The following BEND6 variants were observed in gnomAD, a reference collection of about 807,000 sequenced individuals.
BEND6 encodes the protein BEN domain-containing protein 6.
In BEND6, 24 loss-of-function variants were observed where a neutral mutation model predicts 31.8. The ratio of observed to expected loss-of-function variants is 0.75; its 90% CI spans 0.55 to 1.06. The LOEUF (loss-of-function observed/expected upper bound fraction) is 1.06. Among genes scored for constraint, BEND6 ranks in the 50% least tolerant of loss-of-function variants. The probability of loss-of-function intolerance (pLI) is 0.00; values close to 1 mark genes in which losing one functional copy is unlikely to be tolerated. For synonymous variants in BEND6, 109 were observed against 114.6 expected (o/e 0.95, Z 0.31); for missense variants, 294 against 327.4 (o/e 0.90, Z 0.79).
chr6:57,015,478 A>T, intron 4 of BEND6, 125 bp downstream of exon 4: 2 of 992,170 alleles, frequency 2.0e-6, no homozygotes, highest in Non-Finnish European at 2.9e-6. Flanking sequence ...TTCAATAGGA[A>T]TATTACAATT....
chr6:57,010,231 C>T (rs756434602), intron 3 of BEND6: 9 of 152,164 alleles, frequency 5.9e-5, no homozygotes, highest in South Asian at 4.2e-4. Context: ...CAGCAAAATC[C>T]GACTGTAGGA....
chr6:56,986,979 T>C (rs1480322774), intron 2 of BEND6, among the ~76,000 whole-genome samples: 12 of 149,226 alleles, frequency 8.0e-5, no homozygotes, highest in African/African-American at 2.0e-4. Context: ...TTTTCTTTTT[T>C]TTTTTTTTTT....
chr6:56,960,632 T>A (rs1319122853), intron 1 of BEND6, among the ~76,000 whole-genome samples: 2 of 152,222 alleles, frequency 1.3e-5, no homozygotes, highest in Non-Finnish European at 2.9e-5. Flanking sequence ...TTTGTGCTAA[T>A]AGAGTTGTAT....
chr6:56,963,724 A>G (rs1033335483), intron 1 of BEND6, among the ~76,000 whole-genome samples: 3 of 151,466 alleles, frequency 2.0e-5, no homozygotes, highest in African/African-American at 7.3e-5. Context: ...CTACTCTCAC[A>G]TGTTTGACCT....
chr6:56,998,633 A>T (rs1826814003), intron 3 of BEND6, among the ~76,000 whole-genome samples: 1 of 152,184 alleles, frequency 6.6e-6, no homozygotes, highest in African/African-American at 2.4e-5. Flanking sequence ...ATCAACTGAA[A>T]ATGGATTAAG....
intron 2 of BEND6, 32 bp downstream of exon 2, chr6:56,981,962 T>G: frequency 6.3e-7 from 1 of 1,590,268 alleles, no homozygotes; most frequent in Non-Finnish European, 8.5e-7. Flanking sequence ...CTCAACTTTG[T>G]TATCTAGCTC....
intron 2 of BEND6, among the ~76,000 whole-genome samples, chr6:56,988,527 T>C (rs553921098): frequency 1.3e-5 from 2 of 152,290 alleles, no homozygotes; most frequent in Non-Finnish European, 2.9e-5. Context: ...CAATGCAATA[T>C]GAAAGATATT....
intron 3 of BEND6, among the ~76,000 whole-genome samples, chr6:56,999,940 G>C (rs1006512398): frequency 1.3e-5 from 2 of 148,314 alleles, no homozygotes; most frequent in African/African-American, 5.0e-5. Context: ...CCCTCTGCCT[G>C]GCTGCCCCGT....
intron 3 of BEND6, chr6:57,004,726 G>C (rs1260152211): frequency 6.0e-6 from 9 of 1,509,710 alleles, no homozygotes; most frequent in African/African-American, 5.5e-5. Context: ...TGACAAAAAT[G>C]ACCCCCATTT....
At chr6:56,984,053 T>C (rs1826164291) in intron 2 of BEND6, among the ~76,000 whole-genome samples, 1 of 152,014 alleles carries the variant, frequency 6.6e-6, no homozygotes, top group South Asian at 2.1e-4. Context: ...ACCCTCTCTC[T>C]ACCAAAAAAA....
chr6:56,981,107 C>T (rs1826049740), intron 1 of BEND6, among the ~76,000 whole-genome samples: 1 of 152,136 alleles, frequency 6.6e-6, no homozygotes, highest in Non-Finnish European at 1.5e-5. Context: ...AGCCGTCATG[C>T]CCAGCCTGCT....
chr6:56,993,022 T>C (rs564194908), intron 3 of BEND6, among the ~76,000 whole-genome samples: 5 of 152,278 alleles, frequency 3.3e-5, no homozygotes, highest in Non-Finnish European at 2.9e-5. Context: ...CATTTTTTTC[T>C]GTTGGGAAGA....
intron 3 of BEND6, chr6:57,009,072 AG>A (rs1042602151): frequency 6.6e-6 from 1 of 152,236 alleles, no homozygotes; most frequent in Non-Finnish European, 1.5e-5. Context: ...GAAGCTAAAA[AG>A]AAAAAGGTTA....
chr6:56,961,296 A>G (rs1825278080), intron 1 of BEND6, among the ~76,000 whole-genome samples: 2 of 152,194 alleles, frequency 1.3e-5, no homozygotes, highest in Admixed American at 1.3e-4. Context: ...GTTCTAAACT[A>G]TAAAAGTTTA....
At chr6:56,999,705 A>G (rs1039069770) in intron 3 of BEND6, among the ~76,000 whole-genome samples, 3 of 152,226 alleles carry the variant, frequency 2.0e-5, no homozygotes, top group African/African-American at 7.2e-5. Context: ...CAATCAGCCC[A>G]TTGACTGAGA....
At chr6:56,974,358 C>T (rs1238005830) in intron 1 of BEND6, among the ~76,000 whole-genome samples, 4 of 152,142 alleles carry the variant, frequency 2.6e-5, no homozygotes, top group Non-Finnish European at 5.9e-5. Context: ...AATTATGGTT[C>T]ATCTGCCTGC....
At chr6:56,961,783 C>A (rs1167012337) in intron 1 of BEND6, among the ~76,000 whole-genome samples, 2 of 152,130 alleles carry the variant, frequency 1.3e-5, no homozygotes, top group African/African-American at 4.8e-5. Context: ...TCCCCAAGCC[C>A]ACATTCAACA....
intron 3 of BEND6, among the ~76,000 whole-genome samples, chr6:56,999,858 C>A (rs1826859850): frequency 6.6e-6 from 1 of 152,212 alleles, no homozygotes; most frequent in Non-Finnish European, 1.5e-5. Flanking sequence ...AACAGAAGTG[C>A]ATAGACCTGG....
At chr6:56,982,462 C>A (rs543327807) in intron 2 of BEND6, among the ~76,000 whole-genome samples, 1 of 151,954 alleles carries the variant, frequency 6.6e-6, no homozygotes, top group Non-Finnish European at 1.5e-5. Flanking sequence ...GGTCAGGGTG[C>A]CTTTCCTATT....
Sources: allele counts gnomAD v4.1 joint callset (sites outside exome capture counted in the v4.1 genomes callset), GRCh38; gene constraint gnomAD v4.1.1; transcripts MANE v1.5; gene names NCBI Gene and HGNC (gene_info 2026-07-23, HGNC 2026-07-21).